Variants in SIN3A observed in about 807,000 individuals in gnomAD.
The protein encoded by SIN3A is paired amphipathic helix protein Sin3a.
A neutral mutation model predicts 146.1 loss-of-function variants in SIN3A; 14 were observed. That is an observed-to-expected ratio of 0.10 (90% CI 0.06 to 0.15). The LOEUF (loss-of-function observed/expected upper bound fraction) is 0.15, where lower values mean the gene tolerates loss of function less well. SIN3A is among the 10% of genes least tolerant of loss of function. The pLI is 1.00. For synonymous variants in SIN3A, 572 were observed against 572.0 expected (o/e 1.00, Z 0.00); for missense variants, 1,028 against 1,576.0 (o/e 0.65, Z 5.89).
intron 19 of SIN3A, among the ~76,000 whole-genome samples, chr15:75,377,573 C>T (rs2072885649): frequency 6.7e-6 from 1 of 150,194 alleles, no homozygotes; most frequent in Non-Finnish European, 1.5e-5. Flanking sequence ...TGCAGTAAGC[C>T]AAGATCGCGC....
In SIN3A at chr15:75,392,753, C is replaced by T. The variant is rs772099290; in HGVS notation, c.2340G>A (p.Ala780=). 2.7e-5 allele frequency: 43 copies of T among 1,613,966 alleles called. No homozygotes were observed. The highest frequency in any genetic ancestry group is 6.7e-5 in the African/African-American group (5 of 74,930). ...CTTCCAGTATTTGTTTGTCTTCATA[C>T]GCAAGTGAGAGGTGTGGGCCAACAG... ...GVPVGPHLSL[A]YEDKQILEDA... Residue 780 remains alanine (A), a synonymous_variant, in exon 15 of 21, where the codon GCG becomes GCA. Coordinates refer to ENST00000394947, the MANE Select transcript of SIN3A (RefSeq NM_001145358.2).
chr15:75,435,801 T>C (rs1214411536), intron 1 of SIN3A, among the ~76,000 whole-genome samples: 1 of 152,156 alleles, frequency 6.6e-6, no homozygotes, highest in East Asian at 1.9e-4. Flanking sequence ...TAAAGATTTG[T>C]ACATTTCATT....
At chr15:75,374,607 A>G (rs1468997438) in intron 20 of SIN3A, among the ~76,000 whole-genome samples, 1 of 152,214 alleles carries the variant, frequency 6.6e-6, no homozygotes, top group Non-Finnish European at 1.5e-5. Flanking sequence ...ATGGCCTATC[A>G]TTAGACAAAG....
chr15:75,395,797 C>T (rs1336579763), intron 13 of SIN3A, among the ~76,000 whole-genome samples: 3 of 151,988 alleles, frequency 2.0e-5, no homozygotes, highest in Admixed American at 1.3e-4. Flanking sequence ...CCCAGCTATT[C>T]GGGAGGCTGA....
upstream of SIN3A, chr15:75,454,922 G>T (rs1207907081): frequency 6.6e-6 from 1 of 152,248 alleles, no homozygotes; most frequent in Non-Finnish European, 1.5e-5. Context: ...TTGCTGGGTC[G>T]CGGCCTGACG....
At chr15:75,437,445 G>C (rs1359989677) in intron 1 of SIN3A, among the ~76,000 whole-genome samples, 1 of 152,148 alleles carries the variant, frequency 6.6e-6, no homozygotes, top group Non-Finnish European at 1.5e-5. Context: ...GAGATTATAG[G>C]CATGAGCCAC....
chr15:75,398,097 T>A (rs994668958), intron 12 of SIN3A, among the ~76,000 whole-genome samples: 2 of 150,920 alleles, frequency 1.3e-5, no homozygotes, highest in Non-Finnish European at 3.0e-5. Context: ...GCTAAAAGAG[T>A]ACCAAAACAA....
At chr15:75,389,144 A>G (rs1199403940) in intron 16 of SIN3A, among the ~76,000 whole-genome samples, 2 of 152,180 alleles carry the variant, frequency 1.3e-5, no homozygotes, top group Non-Finnish European at 2.9e-5. Context: ...TTCAAATATT[A>G]AACAATGCAA....
chr15:75,403,919 C>T (rs530751642), intron 9 of SIN3A, among the ~76,000 whole-genome samples: 7 of 152,320 alleles, frequency 4.6e-5, no homozygotes, highest in South Asian at 4.1e-4. Flanking sequence ...TCTGGAATAA[C>T]GCTCTCTTAA....
rs575173248 is a variant in SIN3A, at chr15:75,398,836, ACT to A, written c.1854+1202_1854+1203del. Among the ~76,000 whole-genome samples the A allele has an allele frequency of 2.6e-3, 401 of 152,018 alleles. 1 individual carries two copies. Among genetic ancestry groups the A allele is most frequent in the African/African-American group, 8.8e-3 (364 of 41,430 alleles). On this transcript the variant is annotated intron_variant, in intron 12 of 20. Transcript: ENST00000394947. The stretch of plus-strand genomic sequence containing the variant: ...ACCAGCCTGGGTAATGTAGTAAAAC[ACT>A]GTTTCTATAAAAAACAAAAAATTAG...
intron 3 of SIN3A, among the ~76,000 whole-genome samples, chr15:75,415,081 A>T (rs1407463331): frequency 6.6e-6 from 1 of 152,194 alleles, no homozygotes; most frequent in Non-Finnish European, 1.5e-5. Flanking sequence ...TCGTGTACGC[A>T]ATTTGACTGC....
intron 2 of SIN3A, among the ~76,000 whole-genome samples, chr15:75,428,042 T>C (rs1011633239): frequency 1.5e-4 from 23 of 151,960 alleles, no homozygotes; most frequent in Non-Finnish European, 1.0e-4. Context: ...ATACATTACT[T>C]TCATAATAAA....
intron 3 of SIN3A, chr15:75,415,641 C>G (rs2073720219): frequency 1.2e-5 from 2 of 161,718 alleles, no homozygotes; most frequent in South Asian, 3.1e-4. Context: ...CATCTGAGGT[C>G]AGGAGTTCGA....
chr15:75,448,250 AGT>A (rs2074342531), intron 1 of SIN3A: 2 of 152,026 alleles, frequency 1.3e-5, no homozygotes, highest in African/African-American at 4.8e-5. Context: ...CTGTAATCCC[AGT>A]ACTTTGGGAG....
At chr15:75,436,362 T>C (rs1595924597) in intron 1 of SIN3A, 2 of 152,106 alleles carry the variant, frequency 1.3e-5, no homozygotes, top group East Asian at 3.9e-4. Context: ...TCCCAGCTAT[T>C]TAGGAGGCTG....
intron 1 of SIN3A, among the ~76,000 whole-genome samples, chr15:75,441,578 C>T (rs957554747): frequency 3.9e-5 from 6 of 152,112 alleles, no homozygotes; most frequent in African/African-American, 1.4e-4. Flanking sequence ...TACCACTACA[C>T]TTGGCTTCCA....
In SIN3A at chr15:75,400,784, T is replaced by G; in HGVS notation, c.1683A>C (p.Leu561Phe). ...ACTTGGGCTGCTGGTAACTCTTTGG[T>G]AAGGCTCGATAGCTGGAGCCCAATC... is the stretch of plus-strand genomic sequence containing the variant. ...CKRLGSSYRA[L>F]PKSYQQPKCT... Residue 561 changes from leucine to phenylalanine, a missense_variant, in exon 11 of 21, where the codon TTA becomes TTC. By Grantham distance (22) the Leu-to-Phe change is conservative. Transcript: ENST00000394947. The G allele has an allele frequency of 6.2e-7, 1 of 1,614,104 alleles. No homozygotes were observed. The highest frequency in any genetic ancestry group is 8.5e-7 in the Non-Finnish European group (1 of 1,180,020).
chr15:75,427,336 G>A (rs973546643), intron 2 of SIN3A, among the ~76,000 whole-genome samples: 1 of 151,608 alleles, frequency 6.6e-6, no homozygotes, highest in Non-Finnish European at 1.5e-5. Flanking sequence ...TCACGCCACT[G>A]CACTCCAGCT....
chr15:75,388,375 A>T (rs2073132421), intron 16 of SIN3A: 1 of 152,464 alleles, frequency 6.6e-6, no homozygotes, highest in African/African-American at 2.4e-5. Flanking sequence ...AAAGTATACC[A>T]CATTGACCTG....
Sources: allele counts gnomAD v4.1 joint callset (sites outside exome capture counted in the v4.1 genomes callset), GRCh38; gene constraint gnomAD v4.1.1; transcripts MANE v1.5; gene names NCBI Gene and HGNC (gene_info 2026-07-23, HGNC 2026-07-21).